PACRG: variants seen among roughly 807,000 people sequenced by gnomAD.
PACRG encodes the protein parkin coregulated.
Under a neutral mutation model 29.7 loss-of-function variants are expected in PACRG, and 29 were observed. The ratio of observed to expected loss-of-function variants is 0.98; its 90% confidence interval spans 0.73 to 1.33. The LOEUF (loss-of-function observed/expected upper bound fraction) is 1.33, where lower values mean the gene tolerates loss of function less well. Ranked by LOEUF, PACRG falls within the 40% of genes most tolerant of loss-of-function variation. PACRG has a pLI of 0.00. For missense variants in PACRG, 279 were observed against 316.2 expected, an observed-to-expected ratio of 0.88 and a Z score of 0.89; for synonymous variants, 116 against 118.7, an observed-to-expected ratio of 0.98 and a Z score of 0.15.
At chr6:162,776,655 G>A (rs1234019216) in intron 1 of PACRG, among the ~76,000 whole-genome samples, 1 of 152,198 alleles carries the variant, frequency 6.6e-6, no homozygotes, top group Non-Finnish European at 1.5e-5. Context: ...TGGGTCTCCT[G>A]AGAAGAGCAT....
At chr6:162,821,800 C>A (rs9458649) in intron 2 of PACRG, among the ~76,000 whole-genome samples, 34,683 of 151,996 alleles carry the variant, frequency 0.23, 5,312 homozygotes, top group African/African-American at 0.4. Flanking sequence ...ATGAACAGTT[C>A]GCTCCTGTCT....
chr6:162,734,866 ACAGAACCC>A lies in PACRG; in HGVS notation c.156+6478_156+6485del, dbSNP rs529076328. On this transcript the variant is annotated intron_variant, in intron 1 of 4. Coordinates refer to ENST00000366888, the MANE Select transcript of PACRG (RefSeq NM_001080379.2). The stretch of plus-strand genomic sequence containing the variant: ...CAAATCCAGAAACATTGTCAACACC[ACAGAACCC>A]CATCTGTCTCTTTGTAGTCACTACC... Among the ~76,000 whole-genome samples the A allele has an allele frequency of 1.4e-4, 22 of 152,324 alleles. No individual in the cohort carries two copies. The South Asian group carries it at 4.6e-3, about 32-fold the overall frequency.
At chr6:162,963,159 AG>A (rs2128147200) in intron 2 of PACRG, among the ~76,000 whole-genome samples, 1 of 152,352 alleles carries the variant, frequency 6.6e-6, no homozygotes, top group Admixed American at 6.5e-5. Flanking sequence ...AAACTACCAA[AG>A]ATGCTTGTTT....
intron 4 of PACRG, among the ~76,000 whole-genome samples, chr6:163,227,580 C>G (rs543076094): frequency 6.6e-6 from 1 of 152,188 alleles, no homozygotes; most frequent in Non-Finnish European, 1.5e-5. Flanking sequence ...CATGAAGGAG[C>G]AGAGCCAGCA....
chr6:162,731,020 A>G (rs1361376095), intron 1 of PACRG, among the ~76,000 whole-genome samples: 1 of 152,212 alleles, frequency 6.6e-6, no homozygotes, highest in Non-Finnish European at 1.5e-5. Context: ...ACCCAGGGTT[A>G]TGGTGACAGA....
At chr6:163,182,079 T>G (rs994332754) in intron 4 of PACRG, among the ~76,000 whole-genome samples, 2 of 152,182 alleles carry the variant, frequency 1.3e-5, no homozygotes, top group African/African-American at 2.4e-5. Flanking sequence ...CTAGGAACAT[T>G]CTTAGGGCTT....
intron 2 of PACRG, among the ~76,000 whole-genome samples, chr6:162,921,892 G>A (rs1797090960): frequency 6.6e-6 from 1 of 152,132 alleles, no homozygotes; most frequent in Non-Finnish European, 1.5e-5. Context: ...ATGAGGCAGA[G>A]CGGACTGCTG....
chr6:163,031,496 A>C (rs189355315), intron 2 of PACRG, among the ~76,000 whole-genome samples: 1 of 152,376 alleles, frequency 6.6e-6, no homozygotes, highest in African/African-American at 2.4e-5. Flanking sequence ...TGAGACTAGA[A>C]TCTAATAAGA....
chr6:163,253,847 C>T (rs1467060923), intron 4 of PACRG, among the ~76,000 whole-genome samples: 1 of 152,224 alleles, frequency 6.6e-6, no homozygotes, highest in Non-Finnish European at 1.5e-5. Context: ...AAAGGACGTG[C>T]TCCCGGCCCT....
At chr6:162,837,180 G>A (rs1055495112) in intron 2 of PACRG, among the ~76,000 whole-genome samples, 3 of 152,114 alleles carry the variant, frequency 2.0e-5, no homozygotes, top group East Asian at 1.9e-4. Flanking sequence ...ATTGTCCTGC[G>A]TAGATAGTGG....
chr6:163,192,476 G>T (rs915692833), intron 4 of PACRG, among the ~76,000 whole-genome samples: 33 of 152,134 alleles, frequency 2.2e-4, no homozygotes, highest in African/African-American at 7.7e-4. Flanking sequence ...TGAATACTGT[G>T]TTCTTTATCT....
chr6:163,074,870 G>T (rs55992388), intron 3 of PACRG, among the ~76,000 whole-genome samples: 3,373 of 152,190 alleles, frequency 0.022, 130 homozygotes, highest in African/African-American at 0.075. Context: ...GCCGCCTGTA[G>T]TCCCAGCTAC....
intron 4 of PACRG, among the ~76,000 whole-genome samples, chr6:163,278,350 T>C (rs1417102962): frequency 6.6e-6 from 1 of 152,206 alleles, no homozygotes; most frequent in African/African-American, 2.4e-5. Flanking sequence ...AAGTCCCATC[T>C]ATTTATTTTT....
At chr6:163,225,253 A>G (rs1781741609) in intron 4 of PACRG, among the ~76,000 whole-genome samples, 3 of 152,228 alleles carry the variant, frequency 2.0e-5, no homozygotes, top group African/African-American at 4.8e-5. Flanking sequence ...TTTAATCTCC[A>G]TAATCCCCAC....
At chr6:163,245,082 A>G in intron 4 of PACRG, 1 of 450,996 alleles carries the variant, frequency 2.2e-6, no homozygotes, top group Non-Finnish European at 4.4e-6. Flanking sequence ...TGCTTCCCAG[A>G]CTAAACTCTG....
intron 2 of PACRG, among the ~76,000 whole-genome samples, chr6:162,996,363 C>T (rs2128191652): frequency 6.6e-6 from 1 of 152,188 alleles, no homozygotes; most frequent in Non-Finnish European, 1.5e-5. Context: ...ACTTTCAAGT[C>T]CCATAATGGA....
At chr6:163,190,883 G>A (rs1259889286) in intron 4 of PACRG, 1 of 451,728 alleles carries the variant, frequency 2.2e-6, no homozygotes, top group African/African-American at 2.0e-5. Flanking sequence ...ATGATGTCCT[G>A]ACAAACAGCT....
At chr6:162,774,474 T>C (rs1783485555) in intron 1 of PACRG, among the ~76,000 whole-genome samples, 1 of 152,252 alleles carries the variant, frequency 6.6e-6, no homozygotes, top group Non-Finnish European at 1.5e-5. Context: ...ATGGAATTGC[T>C]TTCCCATAGA....
chr6:163,213,720 T>G (rs1585338807), intron 4 of PACRG, among the ~76,000 whole-genome samples: 1 of 152,234 alleles, frequency 6.6e-6, no homozygotes, highest in East Asian at 1.9e-4. Flanking sequence ...TTAAGGAAAT[T>G]AACCCTTTGT....
Sources: gnomAD v4.1 joint callset for allele counts (sites outside exome capture counted in the v4.1 genomes callset) on GRCh38, gnomAD v4.1.1 for gene constraint, MANE v1.5 for transcripts, NCBI Gene and HGNC (gene_info 2026-07-23, HGNC 2026-07-21) for gene names.